RAB3GAP1: variants seen among roughly 807,000 people sequenced by gnomAD.
RAB3GAP1 encodes rab3 GTPase-activating protein catalytic subunit.
Under a neutral mutation model 130.7 loss-of-function variants are expected in RAB3GAP1, and 86 were observed. The ratio of observed to expected loss-of-function variants is 0.66; its 90% CI spans 0.55 to 0.79. The LOEUF (loss-of-function observed/expected upper bound fraction) is 0.79, where lower values mean the gene tolerates loss of function less well. Among genes scored for constraint, RAB3GAP1 ranks in the 30% least tolerant of loss-of-function variants. RAB3GAP1 has a pLI of 0.00. For missense variants in RAB3GAP1, 1,029 were observed against 1,169.4 expected (o/e 0.88, Z 1.75); for synonymous variants, 367 against 401.7 (o/e 0.91, Z 1.03).
chr2:135,086,659 A>AT (rs1689991631), intron 3 of RAB3GAP1, among the ~76,000 whole-genome samples: 1 of 119,218 alleles, frequency 8.4e-6, no homozygotes, highest in Admixed American at 8.4e-5. Flanking sequence ...GCTTCCCCTA[A>AT]TCTTTTTTTT....
rs754210131 is a variant in RAB3GAP1 at position 135,130,729 on chromosome 2, A to C, written c.1236+8A>C. On this transcript the variant is annotated splice_region_variant and intron_variant, in intron 13 of 23. Transcript: ENST00000264158. ...CTTAATACTATTCTCCTGGTAACTA[A>C]ATGTTCTGTCTTTATAGGTCTATAT... The C allele has an allele frequency of 1.2e-4, 191 of 1,606,564 alleles. No individual in the cohort carries two copies. Among genetic ancestry groups the C allele is most frequent in the Non-Finnish European group, 8.5e-7 (1 of 1,173,462 alleles).
chr2:135,096,136 T>C (rs1690286792), intron 5 of RAB3GAP1, among the ~76,000 whole-genome samples: 1 of 152,320 alleles, frequency 6.6e-6, no homozygotes, highest in South Asian at 2.1e-4. Context: ...TCTGTGAACT[T>C]TATTTATTTT....
At chr2:135,079,961 C>G (rs1228598168) in intron 3 of RAB3GAP1, among the ~76,000 whole-genome samples, 3 of 151,890 alleles carry the variant, frequency 2.0e-5, no homozygotes, top group Non-Finnish European at 4.4e-5. Flanking sequence ...ACTAAAAATA[C>G]AAAAAATTAG....
At chr2:135,154,473 T>TTACTAAGAGA (rs57759171) in intron 19 of RAB3GAP1, among the ~76,000 whole-genome samples, 6,556 of 152,188 alleles carry the variant, frequency 0.043, 471 homozygotes, top group African/African-American at 0.15. Flanking sequence ...GCATTCAGCA[T>TTACTAAGAGA]TACTAAGAGA....
At chr2:135,119,539 A>C (rs543340490) in intron 7 of RAB3GAP1, among the ~76,000 whole-genome samples, 1 of 152,294 alleles carries the variant, frequency 6.6e-6, no homozygotes, top group African/African-American at 2.4e-5. Flanking sequence ...TGCTCATTTG[A>C]TATCTGGACA....
intron 15 of RAB3GAP1, among the ~76,000 whole-genome samples, chr2:135,134,317 A>G (rs1268255181): frequency 6.6e-6 from 1 of 152,224 alleles, no homozygotes; most frequent in Non-Finnish European, 1.5e-5. Context: ...ATAATCTTTA[A>G]TAACAGATGT....
In RAB3GAP1 at chr2:135,169,081, G is replaced by A; in HGVS notation, c.*300G>A. On this transcript the variant is annotated 3_prime_UTR_variant, in exon 24 of 24. Transcript: ENST00000264158. Reference sequence around the variant, plus strand: ...AGACACTCCGTCCTCACACTGGCAGGACGGTGTTCATCGCATTCTCTTCTG... The same window carrying A: ...AGACACTCCGTCCTCACACTGGCAGAACGGTGTTCATCGCATTCTCTTCTG... 1 of 459,990 alleles carries A rather than the reference G, an allele frequency of 2.2e-6. No homozygotes were observed. The highest frequency in any genetic ancestry group is 2.1e-5 in the South Asian group (1 of 48,688). The allele number at this position is 459,990 out of a possible 1,614,324, so 28.5% of individuals were successfully genotyped here.
intron 3 of RAB3GAP1, among the ~76,000 whole-genome samples, chr2:135,079,988 G>A (rs1442161423): frequency 6.6e-6 from 1 of 151,936 alleles, no homozygotes; most frequent in African/African-American, 2.4e-5. Context: ...GCAGTGGCGG[G>A]CGCCTGTAGT....
At chr2:135,121,590 C>T (rs1558786618) in intron 8 of RAB3GAP1, among the ~76,000 whole-genome samples, 1 of 152,072 alleles carries the variant, frequency 6.6e-6, no homozygotes, top group Admixed American at 6.5e-5. Flanking sequence ...GTTTCTTTCA[C>T]ATGTTTGATT....
chr2:135,143,014 T>G (rs1198946846), intron 17 of RAB3GAP1, among the ~76,000 whole-genome samples: 2 of 151,980 alleles, frequency 1.3e-5, no homozygotes, highest in Non-Finnish European at 2.9e-5. Context: ...AAGATTTTAC[T>G]TCTTCTTCAA....
At chr2:135,067,376 G>GT (rs1262310218) in intron 3 of RAB3GAP1, among the ~76,000 whole-genome samples, 1 of 151,714 alleles carries the variant, frequency 6.6e-6, no homozygotes, top group Non-Finnish European at 1.5e-5. Flanking sequence ...TTTGTAGTTT[G>GT]TTTTTTTTCC....
intron 3 of RAB3GAP1, among the ~76,000 whole-genome samples, chr2:135,079,888 G>A (rs1373238079): frequency 2.6e-5 from 4 of 152,174 alleles, no homozygotes; most frequent in Non-Finnish European, 5.9e-5. Flanking sequence ...CCAGCACTTT[G>A]GGAGGCCGAG....
At chr2:135,147,624 C>CCCCT (rs1553448281) in intron 17 of RAB3GAP1, among the ~76,000 whole-genome samples, 1 of 142,720 alleles carries the variant, frequency 7.0e-6, no homozygotes, top group South Asian at 2.4e-4. Context: ...CTCCCCCCCC[C>CCCCT]TTTTTTTTTT....
At chr2:135,104,386 A>ATAC (rs1690532436) in intron 5 of RAB3GAP1, among the ~76,000 whole-genome samples, 1 of 152,226 alleles carries the variant, frequency 6.6e-6, no homozygotes, top group South Asian at 2.1e-4. Context: ...AGTGTGACCC[A>ATAC]TACAAGGGGA....
chr2:135,100,868 G>A (rs922454021), intron 5 of RAB3GAP1, among the ~76,000 whole-genome samples: 8 of 152,194 alleles, frequency 5.3e-5, no homozygotes, highest in Non-Finnish European at 1.0e-4. Context: ...GAAACTCATA[G>A]GAGGTACCTG....
At chr2:135,060,394 C>T (rs60134670) in intron 3 of RAB3GAP1, among the ~76,000 whole-genome samples, 3,592 of 150,118 alleles carry the variant, frequency 0.024, 162 homozygotes, top group African/African-American at 0.084. Context: ...CAAGTGGCTG[C>T]GACTACAGGC....
intron 2 of RAB3GAP1, 32 bp downstream of exon 2, chr2:135,052,517 C>A: frequency 6.2e-7 from 1 of 1,612,336 alleles, no homozygotes; most frequent in Non-Finnish European, 8.5e-7. Flanking sequence ...TTACCAGCTC[C>A]CATGGGCCCT....
At chr2:135,083,773 T>G (rs1007905127) in intron 3 of RAB3GAP1, among the ~76,000 whole-genome samples, 1 of 149,582 alleles carries the variant, frequency 6.7e-6, no homozygotes, top group East Asian at 2.0e-4. Context: ...CACGGTTTTT[T>G]TTTTTTTTTT....
At chr2:135,073,422 G>A (rs910751629) in intron 3 of RAB3GAP1, among the ~76,000 whole-genome samples, 1 of 152,190 alleles carries the variant, frequency 6.6e-6, no homozygotes, top group Non-Finnish European at 1.5e-5. Context: ...AGAGCAGAGA[G>A]ACCCCTCAGC....
Sources: allele counts gnomAD v4.1 joint callset (sites outside exome capture counted in the v4.1 genomes callset), GRCh38; gene constraint gnomAD v4.1.1; transcripts MANE v1.5; gene names NCBI Gene and HGNC (gene_info 2026-07-23, HGNC 2026-07-21).